The following KLHL3 variants were observed in gnomAD, a reference collection of about 807,000 sequenced individuals.
KLHL3 encodes the protein kelch like family member 3.
A neutral mutation model predicts 70.5 loss-of-function variants in KLHL3; 19 were observed. That is an observed-to-expected ratio of 0.27 (90% confidence interval 0.19 to 0.40). KLHL3 has a LOEUF of 0.40. KLHL3 is among the 10% of genes least tolerant of loss of function. The pLI is 1.00. For synonymous variants in KLHL3, 258 were observed against 290.3 expected, an observed-to-expected ratio of 0.89 and a Z score of 1.13; for missense variants, 512 against 771.1, an observed-to-expected ratio of 0.66 and a Z score of 3.98.
intron 8 of KLHL3, among the ~76,000 whole-genome samples, chr5:137,641,164 T>A (rs1251222603): frequency 6.6e-6 from 1 of 152,204 alleles, no homozygotes; most frequent in African/African-American, 2.4e-5. Flanking sequence ...GTCCCCACAA[T>A]GATGTCACTC....
intron 5 of KLHL3, among the ~76,000 whole-genome samples, chr5:137,683,153 T>C (rs1752076053): frequency 6.6e-6 from 1 of 152,196 alleles, no homozygotes; most frequent in East Asian, 1.9e-4. Context: ...TGGGAAGATA[T>C]GTTTGTGTTG....
Position 137,660,313 on chromosome 5 carries a change from G to T in KLHL3, c.753+1602C>A, listed in dbSNP as rs373858616. ...AAGTTTGTGACCAACGGTCTCTAAGGCCACTTTAGCTTTCTCTGGAACCCA... is the reference window on the plus strand; with the variant it reads ...AAGTTTGTGACCAACGGTCTCTAAGTCCACTTTAGCTTTCTCTGGAACCCA... On this transcript the variant is annotated intron_variant, in intron 7 of 14. Coordinates refer to ENST00000309755, the MANE Select transcript of KLHL3 (RefSeq NM_017415.3). 4.6e-5 allele frequency among the ~76,000 whole-genome samples: 7 copies of T among 152,158 alleles called. No homozygotes were observed. In the East Asian group the frequency reaches 1.4e-3, roughly 29 times the overall value.
intron 12 of KLHL3, chr5:137,629,397 G>A (rs1750572132): frequency 6.6e-6 from 1 of 152,150 alleles, no homozygotes; most frequent in Non-Finnish European, 1.5e-5. Flanking sequence ...CCACTCCATG[G>A]GCAGGCTGCA....
At chr5:137,649,385 A>AT (rs1314261987) in intron 8 of KLHL3, among the ~76,000 whole-genome samples, 6 of 152,254 alleles carry the variant, frequency 3.9e-5, no homozygotes, top group African/African-American at 1.4e-4. Context: ...GAAAGCCAGC[A>AT]TGTCATGAGG....
Position 137,658,194 on chromosome 5 carries a change from C to G in KLHL3, c.840G>C (p.Leu280=). 6.2e-7 allele frequency: 1 copy of G among 1,613,884 alleles called. No individual in the cohort carries two copies. Among genetic ancestry groups the G allele is most frequent in the Non-Finnish European group, 8.5e-7 (1 of 1,179,810 alleles). ...IEAMKYHLLP[L]DQRLLIKNPR... is the part of the protein sequence containing the mutation. The stretch of plus-strand genomic sequence containing the variant: ...GGTTCTTAATCAATAGTCTCTGATC[C>G]AGAGGGAGGAGATGGTATTTCATGG... Residue 280 remains leucine, a synonymous_variant, in exon 8 of 15, where the codon CTG becomes CTC. Coordinates refer to ENST00000309755, the MANE Select transcript of KLHL3 (RefSeq NM_017415.3).
At chr5:137,720,833 G>A (rs1234103089) in intron 1 of KLHL3, 50 of 1,312,428 alleles carry the variant, frequency 3.8e-5, no homozygotes, top group Non-Finnish European at 4.7e-5. Flanking sequence ...TTTGTGTGAG[G>A]TCCTTATTCT....
intron 2 of KLHL3, among the ~76,000 whole-genome samples, chr5:137,711,268 A>G (rs1752787717): frequency 6.6e-6 from 1 of 152,246 alleles, no homozygotes; most frequent in Non-Finnish European, 1.5e-5. Flanking sequence ...AAATAGAATC[A>G]TAAGGCCTGA....
chr5:137,648,962 C>A (rs1751129900), intron 8 of KLHL3, among the ~76,000 whole-genome samples: 1 of 152,206 alleles, frequency 6.6e-6, no homozygotes, highest in Admixed American at 6.5e-5. Flanking sequence ...TCATATATGT[C>A]TATCTTACTT....
chr5:137,670,733 G>C (rs958194445), intron 6 of KLHL3, among the ~76,000 whole-genome samples: 1 of 152,038 alleles, frequency 6.6e-6, no homozygotes, highest in Non-Finnish European at 1.5e-5. Context: ...ACTTTGCGAG[G>C]CTGAGGCAGG....
intron 5 of KLHL3, among the ~76,000 whole-genome samples, chr5:137,680,746 G>A (rs1580755802): frequency 1.3e-5 from 2 of 152,148 alleles, no homozygotes; most frequent in East Asian, 3.9e-4. Flanking sequence ...GTTTCACCAT[G>A]TTGGTCAGGC....
intron 3 of KLHL3, among the ~76,000 whole-genome samples, chr5:137,699,708 G>A (rs910675243): frequency 5.3e-5 from 8 of 152,176 alleles, no homozygotes; most frequent in Non-Finnish European, 1.2e-4. Flanking sequence ...GGAAAGACAG[G>A]CAACACATGT....
intron 3 of KLHL3, among the ~76,000 whole-genome samples, chr5:137,707,058 C>G (rs907079838): frequency 6.6e-6 from 1 of 151,992 alleles, no homozygotes; most frequent in African/African-American, 2.4e-5. Context: ...GAAGGATGAA[C>G]GGGAGTCAGA....
chr5:137,732,450 C>A (rs1429751903), intron 1 of KLHL3, among the ~76,000 whole-genome samples: 1 of 150,612 alleles, frequency 6.6e-6, no homozygotes, highest in African/African-American at 2.5e-5. Context: ...ACTGAGGCAA[C>A]TAGATGCCAC....
chr5:137,676,875 C>A (rs997320128), intron 6 of KLHL3, among the ~76,000 whole-genome samples: 1 of 152,140 alleles, frequency 6.6e-6, no homozygotes, highest in Non-Finnish European at 1.5e-5. Flanking sequence ...GAAGAGGAAT[C>A]TGAATTTGCT....
At chr5:137,691,771 C>T (rs1252324815) in intron 5 of KLHL3, among the ~76,000 whole-genome samples, 1 of 90,236 alleles carries the variant, frequency 1.1e-5, no homozygotes, top group East Asian at 5.1e-4. Flanking sequence ...CCACCAAGCC[C>T]CGCTAATTTT....
At chr5:137,685,012 C>T (rs1752128303) in intron 5 of KLHL3, among the ~76,000 whole-genome samples, 2 of 152,212 alleles carry the variant, frequency 1.3e-5, no homozygotes, top group Admixed American at 6.5e-5. Flanking sequence ...AAATAGGCAG[C>T]TGGACATAGA....
rs192120047 is a variant in KLHL3 at position 137,733,378 on chromosome 5, T to A, written c.14+2255A>T. On this transcript the variant is annotated intron_variant, in intron 1 of 14. Transcript: ENST00000309755. ...TAGTTATCAGAGCCTCACACAAAAGTTATTAGCTAATCAGCTAATAACTAT... is the reference window on the plus strand; with the variant it reads ...TAGTTATCAGAGCCTCACACAAAAGATATTAGCTAATCAGCTAATAACTAT... Among the ~76,000 whole-genome samples, 48 of 152,302 alleles carry A rather than the reference T, an allele frequency of 3.2e-4. 1 individual carries two copies. In the East Asian group the frequency reaches 5.6e-3, roughly 18 times the overall value.
chr5:137,666,100 A>C lies in KLHL3; in HGVS notation c.637-4069T>G, dbSNP rs188579798. ...TTTCTTCCACTAGCCCTTAAGATCC[A>C]TGAGAGACCTTGTCTTATTTGCTGG... On this transcript the variant is annotated intron_variant, in intron 6 of 14. Transcript: ENST00000309755. Among the ~76,000 whole-genome samples, 19 of 152,338 alleles carry C rather than the reference A, an allele frequency of 1.2e-4. No homozygotes were observed. The East Asian group carries it at 3.5e-3, about 28-fold the overall frequency.
chr5:137,683,363 G>C (rs1419450999), intron 5 of KLHL3, among the ~76,000 whole-genome samples: 1 of 152,148 alleles, frequency 6.6e-6, no homozygotes, highest in Admixed American at 6.5e-5. Flanking sequence ...CACACCCTCA[G>C]GAGACACTGG....
Sources: gnomAD v4.1 joint callset for allele counts (sites outside exome capture counted in the v4.1 genomes callset) on GRCh38, gnomAD v4.1.1 for gene constraint, MANE v1.5 for transcripts, NCBI Gene and HGNC (gene_info 2026-07-23, HGNC 2026-07-21) for gene names.